The following PRIM2 variants were observed in gnomAD, a reference collection of about 807,000 sequenced individuals.
PRIM2 encodes the protein DNA primase subunit 2, also known as DNA primase large subunit.
In PRIM2, 39 loss-of-function variants were observed where a neutral mutation model predicts 67.3. That is an observed-to-expected ratio of 0.58 (90% CI 0.45 to 0.76). The LOEUF (loss-of-function observed/expected upper bound fraction) is 0.76, where lower values mean the gene tolerates loss of function less well. PRIM2 is among the 30% of genes least tolerant of loss of function. The probability of loss-of-function intolerance (pLI) is 0.00; values close to 1 mark genes in which losing one functional copy is unlikely to be tolerated. For synonymous variants in PRIM2, 143 were observed against 198.7 expected (o/e 0.72, Z 2.36); for missense variants, 398 against 598.7 (o/e 0.66, Z 3.50).
intron 3 of PRIM2, among the ~76,000 whole-genome samples, chr6:57,322,740 C>T (rs1767701537): frequency 6.6e-6 from 1 of 152,056 alleles, no homozygotes; most frequent in African/African-American, 2.4e-5. Context: ...GCTTTACATG[C>T]CAGGAAGAGG....
At chr6:57,314,457 A>T (rs1012368238), upstream of PRIM2, among the ~76,000 whole-genome samples, 18 of 152,242 alleles carry the variant, frequency 1.2e-4, no homozygotes, top group Admixed American at 3.3e-4. Context: ...TGGAGGTTGC[A>T]ATGAGCCGAG....
intron 7 of PRIM2, among the ~76,000 whole-genome samples, chr6:57,418,319 T>C (rs1478295389): frequency 6.9e-6 from 1 of 145,978 alleles, no homozygotes; most frequent in Non-Finnish European, 1.5e-5. Context: ...TAAAAAGATA[T>C]AGGATGAATA....
intron 7 of PRIM2, among the ~76,000 whole-genome samples, chr6:57,435,480 C>T (rs1418367677): frequency 6.6e-6 from 1 of 152,198 alleles, no homozygotes; most frequent in African/African-American, 2.4e-5. Flanking sequence ...ACAGCCTGAT[C>T]ATTCCAAAGG....
chr6:57,478,108 C>G (rs1483020889), intron 7 of PRIM2, among the ~76,000 whole-genome samples: 2 of 152,164 alleles, frequency 1.3e-5, no homozygotes, highest in Admixed American at 1.3e-4. Context: ...AACTAAGGCA[C>G]AGAAAGGTAA....
chr6:57,418,251 A>G (rs1278514915), intron 7 of PRIM2, among the ~76,000 whole-genome samples: 1 of 152,122 alleles, frequency 6.6e-6, no homozygotes, highest in Non-Finnish European at 1.5e-5. Context: ...AAACGCAAAT[A>G]GAACAAAGTT....
At chr6:57,323,634 G>A (rs146590980) in intron 3 of PRIM2, among the ~76,000 whole-genome samples, 1 of 152,014 alleles carries the variant, frequency 6.6e-6, no homozygotes, top group Non-Finnish European at 1.5e-5. Context: ...AGGGGGTTGG[G>A]GTCAAGGGGA....
At chr6:57,483,380 A>G (rs1773675821) in intron 7 of PRIM2, among the ~76,000 whole-genome samples, 1 of 152,194 alleles carries the variant, frequency 6.6e-6, no homozygotes, top group African/African-American at 2.4e-5. Flanking sequence ...TTATAGTCCT[A>G]CCAGTGGTTG....
At chr6:57,541,628 G>T (rs1183756138) in intron 10 of PRIM2, among the ~76,000 whole-genome samples, 2 of 152,080 alleles carry the variant, frequency 1.3e-5, no homozygotes, top group African/African-American at 4.8e-5. Flanking sequence ...TATAATCTCT[G>T]CATTGTTCAA....
intron 7 of PRIM2, among the ~76,000 whole-genome samples, chr6:57,413,095 G>A (rs1397397479): frequency 1.3e-5 from 2 of 151,712 alleles, no homozygotes; most frequent in Admixed American, 6.6e-5. Context: ...TCTGGAGCAT[G>A]GCAAAAGAGA....
intron 7 of PRIM2, among the ~76,000 whole-genome samples, chr6:57,497,876 G>C (rs1421281433): frequency 6.6e-6 from 1 of 152,130 alleles, no homozygotes. Flanking sequence ...TGCCAAGGGA[G>C]AACATGAAAC....
intron 5 of PRIM2, among the ~76,000 whole-genome samples, chr6:57,338,265 A>G (rs1028956667): frequency 6.6e-5 from 10 of 152,174 alleles, no homozygotes; most frequent in African/African-American, 2.2e-4. Context: ...TCACAGCTGA[A>G]TTCTACCAGA....
intron 7 of PRIM2, among the ~76,000 whole-genome samples, chr6:57,417,990 T>G (rs1771326315): frequency 6.6e-6 from 1 of 152,220 alleles, no homozygotes. Flanking sequence ...TATAAATCAT[T>G]ATTTTAACAG....
intron 13 of PRIM2, among the ~76,000 whole-genome samples, chr6:57,633,618 A>G (rs1421955572): frequency 4.6e-5 from 7 of 152,112 alleles, no homozygotes; most frequent in Non-Finnish European, 1.0e-4. Context: ...GCAGTCCCCA[A>G]CCTTTTTGGC....
intron 6 of PRIM2, among the ~76,000 whole-genome samples, chr6:57,380,788 C>G (rs1769936133): frequency 6.7e-6 from 1 of 148,630 alleles, no homozygotes; most frequent in African/African-American, 2.5e-5. Context: ...CACACATTTC[C>G]AGTTACTCTG....
chr6:57,419,046 G>A (rs12210819), intron 7 of PRIM2, among the ~76,000 whole-genome samples: 1 of 152,158 alleles, frequency 6.6e-6, no homozygotes, highest in Non-Finnish European at 1.5e-5. Context: ...TTAAATATTT[G>A]ATGTGAATTT....
chr6:57,615,667 G>A (rs2127495614), intron 12 of PRIM2, among the ~76,000 whole-genome samples: 1 of 152,262 alleles, frequency 6.6e-6, no homozygotes, highest in Admixed American at 6.5e-5. Context: ...AGGCCGAGGT[G>A]AGAGGATTGC....
chr6:57,310,603 C>G (rs565822961), upstream of PRIM2, among the ~76,000 whole-genome samples: 1 of 151,918 alleles, frequency 6.6e-6, no homozygotes, highest in South Asian at 2.1e-4. Context: ...ATGGGGCGGC[C>G]GGGCAGAGGC....
chr6:57,491,020 T>C (rs1220541750), intron 7 of PRIM2, among the ~76,000 whole-genome samples: 1 of 152,018 alleles, frequency 6.6e-6, no homozygotes, highest in Non-Finnish European at 1.5e-5. Context: ...GAGAGAAAAA[T>C]ATTCAAATAA....
chr6:57,394,106 A>G (rs1581859210), intron 7 of PRIM2, among the ~76,000 whole-genome samples: 1 of 151,818 alleles, frequency 6.6e-6, no homozygotes. Flanking sequence ...ATGCCTCCAG[A>G]TTTGTTCTTT....
Sources: allele counts gnomAD v4.1 joint callset (sites outside exome capture counted in the v4.1 genomes callset), GRCh38; gene constraint gnomAD v4.1.1; transcripts MANE v1.5; gene names NCBI Gene and HGNC (gene_info 2026-07-23, HGNC 2026-07-21).